The following MYH10 variants were observed in gnomAD, a reference collection of about 807,000 sequenced individuals.
MYH10 encodes myosin heavy chain 10.
Under a neutral mutation model 257.8 loss-of-function variants are expected in MYH10, and 55 were observed. That is an observed-to-expected ratio of 0.21 (90% CI 0.17 to 0.27). The LOEUF is 0.27. Ranked by LOEUF, MYH10 falls within the 10% of genes least tolerant of loss-of-function variation. The probability of loss-of-function intolerance (pLI) is 1.00; values close to 1 mark genes in which losing one functional copy is unlikely to be tolerated. For synonymous variants in MYH10, 854 were observed against 921.7 expected, an observed-to-expected ratio of 0.93 and a Z score of 1.33; for missense variants, 1,631 against 2,500.6, an observed-to-expected ratio of 0.65 and a Z score of 7.42.
At chr17:8,620,418 A>AT (rs1202648322) in intron 2 of MYH10, among the ~76,000 whole-genome samples, 1 of 152,206 alleles carries the variant, frequency 6.6e-6, no homozygotes, top group East Asian at 1.9e-4. Flanking sequence ...TAGAGAAGAC[A>AT]TTTACAGTTT....
chr17:8,553,938 T>G lies in MYH10; in HGVS notation c.820+17A>C. ...ATCCTTCTTTATTTTGGATTATACA[T>G]TTATGAAAAAGGATACATGTTTCAA... On this transcript the variant is annotated intron_variant, in intron 8 of 42. Coordinates refer to ENST00000360416, the MANE Select transcript of MYH10 (RefSeq NM_001256012.3). 2 of 1,601,938 alleles carry G rather than the reference T, an allele frequency of 1.2e-6. No homozygotes were observed. The highest frequency in any genetic ancestry group is 1.1e-5 in the South Asian group (1 of 90,580).
chr17:8,489,302 T>C (rs1242162995), intron 35 of MYH10, among the ~76,000 whole-genome samples: 1 of 152,188 alleles, frequency 6.6e-6, no homozygotes, highest in Non-Finnish European at 1.5e-5. Context: ...GTGACAAAAA[T>C]GTTGTCACAG....
chr17:8,593,829 G>C (rs994718758), intron 3 of MYH10, among the ~76,000 whole-genome samples: 2 of 152,126 alleles, frequency 1.3e-5, no homozygotes, highest in African/African-American at 4.8e-5. Context: ...GCGACAAACT[G>C]ATTTCTAAAA....
chr17:8,609,877 G>A (rs2084958006), intron 2 of MYH10, among the ~76,000 whole-genome samples: 1 of 151,508 alleles, frequency 6.6e-6, no homozygotes, highest in African/African-American at 2.4e-5. Context: ...TTGCTTCTTT[G>A]AGAGAAAATA....
intron 1 of MYH10, among the ~76,000 whole-genome samples, chr17:8,629,214 T>A (rs1354774441): frequency 2.0e-5 from 3 of 152,128 alleles, no homozygotes; most frequent in Non-Finnish European, 4.4e-5. Context: ...GAATCCTCAG[T>A]TTCAACGTTA....
chr17:8,572,802 G>A (rs1356845821), intron 6 of MYH10, among the ~76,000 whole-genome samples: 1 of 152,100 alleles, frequency 6.6e-6, no homozygotes, highest in Non-Finnish European at 1.5e-5. Flanking sequence ...ACTGAGTAAC[G>A]ATCTCAAAAA....
chr17:8,593,844 T>G (rs1315626996), intron 3 of MYH10, among the ~76,000 whole-genome samples: 1 of 152,176 alleles, frequency 6.6e-6, no homozygotes, highest in Non-Finnish European at 1.5e-5. Context: ...CTAAAATTTA[T>G]ACCTATGGAA....
intron 3 of MYH10, among the ~76,000 whole-genome samples, chr17:8,600,215 C>A (rs1260131911): frequency 1.3e-5 from 2 of 152,106 alleles, no homozygotes; most frequent in East Asian, 1.9e-4. Context: ...ACAAGAATAA[C>A]CAATGAACAA....
At position 8,499,934 on chromosome 17, in the gene MYH10, G is replaced by A. The variant is rs564078997; in HGVS notation, c.3745-458C>T. Among the ~76,000 whole-genome samples the A allele has an allele frequency of 3.4e-4, 51 of 152,144 alleles. No homozygotes were observed. The Middle Eastern group carries it at 0.01, about 30-fold the overall frequency. On this transcript the variant is annotated intron_variant, in intron 29 of 42. Transcript: ENST00000360416. ...TAGTAAGGTGGTCACATGGGAATCTGGGCCAGACTGTCTGGCTTCAAGCTG... is the reference window on the plus strand; with the variant it reads ...TAGTAAGGTGGTCACATGGGAATCTAGGCCAGACTGTCTGGCTTCAAGCTG...
At chr17:8,505,009 C>T (rs2081029042) in intron 27 of MYH10, 103 bp from the exon 28 acceptor site, 1 of 904,252 alleles carries the variant, frequency 1.1e-6, no homozygotes, top group Non-Finnish European at 1.8e-6. Flanking sequence ...GAGACCCCAG[C>T]CCCACATCCC....
At chr17:8,606,066 T>G (rs1434854611) in intron 2 of MYH10, among the ~76,000 whole-genome samples, 1 of 152,206 alleles carries the variant, frequency 6.6e-6, no homozygotes, top group African/African-American at 2.4e-5. Context: ...AGATTTAAAA[T>G]GTATTTTAAT....
chr17:8,514,086 C>G (rs894331368), intron 21 of MYH10, among the ~76,000 whole-genome samples, 192 bp from the exon 22 acceptor site: 1 of 152,190 alleles, frequency 6.6e-6, no homozygotes, highest in Non-Finnish European at 1.5e-5. Context: ...TGTTGGCCTG[C>G]TCAGCCCACC....
intron 35 of MYH10, 147 bp from the exon 36 acceptor site, chr17:8,487,741 T>C: frequency 1.1e-6 from 1 of 936,784 alleles, no homozygotes; most frequent in Non-Finnish European, 1.6e-6. Context: ...AAACAGTTAC[T>C]ATCAACAGAA....
intron 29 of MYH10, 125 bp downstream of exon 29, chr17:8,500,701 A>G: frequency 8.4e-7 from 1 of 1,188,370 alleles, no homozygotes; most frequent in South Asian, 1.7e-5. Context: ...CCAGCAGCCC[A>G]CTCAGTGACG....
chr17:8,504,984 T>C lies in MYH10; in HGVS notation c.3387-78A>G. 8.2e-7 allele frequency: 1 copy of C among 1,222,006 alleles called. No individual in the cohort carries two copies. The highest frequency in any genetic ancestry group is 1.2e-6 in the Non-Finnish European group (1 of 838,546). The allele number at this position is 1,222,006 out of a possible 1,614,324, so 75.7% of individuals were successfully genotyped here. ...TGTTTCTCAGGCGAGCCCCAGCCCC[T>C]GAGCACCTCTCCACGAGACCCCAGC... is the stretch of plus-strand genomic sequence containing the variant. On this transcript the variant is annotated intron_variant, in intron 27 of 42. Transcript: ENST00000360416. This position sits in a 1 kb window ranked among gnomAD's most constrained non-coding sequence, Gnocchi z 5.6.
At chr17:8,629,732 G>A (rs1022142496) in intron 1 of MYH10, among the ~76,000 whole-genome samples, 1 of 152,084 alleles carries the variant, frequency 6.6e-6, no homozygotes, top group Non-Finnish European at 1.5e-5. Flanking sequence ...GGATCCCGAG[G>A]CGAGTGCTGA....
At chr17:8,541,235 T>C (rs984788897) in intron 14 of MYH10, among the ~76,000 whole-genome samples, 3 of 152,184 alleles carry the variant, frequency 2.0e-5, no homozygotes, top group Admixed American at 1.3e-4. Flanking sequence ...CAACCAGAGA[T>C]TGAGCAGCAA....
intron 14 of MYH10, among the ~76,000 whole-genome samples, chr17:8,539,748 T>A (rs1415419042): frequency 6.6e-6 from 1 of 151,352 alleles, no homozygotes; most frequent in African/African-American, 2.4e-5. Context: ...ACACCATACC[T>A]GGCTAATTTT....
At position 8,509,803 on chromosome 17, in the gene MYH10, C is replaced by T; in HGVS notation, c.3090+9G>A. Reference sequence around the variant, plus strand: ...CTAAAATCAGCTTTTTGTGGGAACACTCTCTTACTTTGATGAACTTGGAAT... The same window carrying T: ...CTAAAATCAGCTTTTTGTGGGAACATTCTCTTACTTTGATGAACTTGGAAT... On this transcript the variant is annotated intron_variant, in intron 25 of 42. Coordinates refer to ENST00000360416, the MANE Select transcript of MYH10 (RefSeq NM_001256012.3). The T allele has an allele frequency of 6.3e-7, 1 of 1,598,868 alleles. No individual in the cohort carries two copies. Among genetic ancestry groups the T allele is most frequent in the South Asian group, 1.1e-5 (1 of 88,608 alleles).
Sources: gnomAD v4.1 joint callset for allele counts (sites outside exome capture counted in the v4.1 genomes callset) on GRCh38, gnomAD v4.1.1 for gene constraint, Gnocchi (gnomAD v3.1) non-coding constraint, MANE v1.5 for transcripts, NCBI Gene and HGNC (gene_info 2026-07-23, HGNC 2026-07-21) for gene names.